Variants in NRG1 observed in about 807,000 individuals in gnomAD.
The protein encoded by NRG1 is neuregulin 1, also known as pro-neuregulin-1, membrane-bound isoform.
Under a neutral mutation model 63.8 loss-of-function variants are expected in NRG1, and 18 were observed. The ratio of observed to expected loss-of-function variants is 0.28; its 90% CI spans 0.19 to 0.42. The LOEUF (loss-of-function observed/expected upper bound fraction) is 0.42. NRG1 is among the 10% of genes least tolerant of loss of function. The pLI is 1.00. For synonymous variants in NRG1, 302 were observed against 301.3 expected, an observed-to-expected ratio of 1.00 and a Z score of -0.02; for missense variants, 762 against 814.7, an observed-to-expected ratio of 0.94 and a Z score of 0.79.
At chr8:31,793,420 A>T (rs1820902799) in intron 1 of NRG1, among the ~76,000 whole-genome samples, 1 of 152,236 alleles carries the variant, frequency 6.6e-6, no homozygotes, top group Non-Finnish European at 1.5e-5. Context: ...TCACTCAGTG[A>T]CTAATTTTCT....
intron 1 of NRG1, among the ~76,000 whole-genome samples, chr8:31,974,991 A>G (rs327380): frequency 0.042 from 6,319 of 152,156 alleles, 404 homozygotes; most frequent in African/African-American, 0.14. Flanking sequence ...CTTTCAGTCT[A>G]TGCTGGGTTT....
chr8:32,441,226 G>A (rs918695318), intron 1 of NRG1: 1 of 152,024 alleles, frequency 6.6e-6, no homozygotes, highest in Non-Finnish European at 1.5e-5. Flanking sequence ...CATGTTTTAG[G>A]TTATGTTTCT....
intron 1 of NRG1, among the ~76,000 whole-genome samples, chr8:31,708,707 A>T (rs1036408790): frequency 1.3e-5 from 2 of 152,008 alleles, no homozygotes; most frequent in Non-Finnish European, 2.9e-5. Flanking sequence ...GGCCTCCCAA[A>T]GTGCTGGGAT....
At chr8:32,226,431 G>T (rs1342777676) in intron 1 of NRG1, among the ~76,000 whole-genome samples, 2 of 151,968 alleles carry the variant, frequency 1.3e-5, no homozygotes, top group Non-Finnish European at 2.9e-5. Context: ...TTCTCAATTT[G>T]TACCTACTTT....
At chr8:31,727,214 A>G (rs1438534125) in intron 1 of NRG1, among the ~76,000 whole-genome samples, 1 of 152,188 alleles carries the variant, frequency 6.6e-6, no homozygotes, top group African/African-American at 2.4e-5. Flanking sequence ...TAATTAAAAC[A>G]TAATTGTCAA....
chr8:31,947,775 C>G (rs1035415357), intron 1 of NRG1, among the ~76,000 whole-genome samples: 2 of 151,774 alleles, frequency 1.3e-5, no homozygotes, highest in African/African-American at 4.8e-5. Context: ...GAAACCCCGT[C>G]TCTAGTAAAA....
intron 1 of NRG1, among the ~76,000 whole-genome samples, chr8:32,130,708 G>C (rs561922265): frequency 8.0e-4 from 122 of 152,030 alleles, no homozygotes; most frequent in Non-Finnish European, 1.5e-3. Flanking sequence ...TATTAACCAA[G>C]GCACTTTTCA....
At chr8:32,104,235 A>G (rs541183680) in intron 1 of NRG1, among the ~76,000 whole-genome samples, 59 of 152,218 alleles carry the variant, frequency 3.9e-4, no homozygotes, top group Non-Finnish European at 7.3e-4. Flanking sequence ...TTAATACTGT[A>G]GGCAATTGTT....
chr8:32,554,628 T>A (rs1834767110), intron 1 of NRG1, among the ~76,000 whole-genome samples: 1 of 152,256 alleles, frequency 6.6e-6, no homozygotes, highest in Admixed American at 6.5e-5. Flanking sequence ...GTTAATTTTT[T>A]AAAATTAGGA....
chr8:31,901,769 G>C (rs1457805529), intron 1 of NRG1, among the ~76,000 whole-genome samples: 1 of 152,164 alleles, frequency 6.6e-6, no homozygotes, highest in Non-Finnish European at 1.5e-5. Flanking sequence ...TATTTTATAT[G>C]ACTCATTGAA....
intron 1 of NRG1, among the ~76,000 whole-genome samples, chr8:31,875,645 G>A (rs1340582729): frequency 1.3e-5 from 2 of 152,136 alleles, no homozygotes; most frequent in African/African-American, 4.8e-5. Context: ...GTCAACTACA[G>A]GAGGAGTTTC....
At chr8:31,692,673 C>T (rs1046686393) in intron 1 of NRG1, among the ~76,000 whole-genome samples, 1 of 152,122 alleles carries the variant, frequency 6.6e-6, no homozygotes, top group African/African-American at 2.4e-5. Context: ...ACAAGTTCTA[C>T]AAATAGGACA....
rs187481131 is a variant in NRG1, at chr8:32,723,431, C to T, written c.503-4518C>T. 7.6e-3 allele frequency among the ~76,000 whole-genome samples: 1,152 copies of T among 152,034 alleles called. 9 individuals carry two copies. Among genetic ancestry groups the T allele is most frequent in the Non-Finnish European group, 0.012 (799 of 67,978 alleles). On this transcript the variant is annotated intron_variant, in intron 5 of 11. Transcript: ENST00000356819. ...GCGTGGTGGCTCACGCCTGTAATCC[C>T]AGCAATTTGGGAGGCTGAGGTGGGT...
At chr8:31,901,937 A>G (rs1031830904) in intron 1 of NRG1, among the ~76,000 whole-genome samples, 17 of 152,220 alleles carry the variant, frequency 1.1e-4, no homozygotes, top group African/African-American at 3.9e-4. Flanking sequence ...TTCCCACTCC[A>G]TGAAACGGAA....
chr8:32,106,615 G>C (rs1317560815), intron 1 of NRG1, among the ~76,000 whole-genome samples: 1 of 152,138 alleles, frequency 6.6e-6, no homozygotes, highest in East Asian at 1.9e-4. Context: ...GAGAGTTGAT[G>C]TTACAGAGAT....
intron 1 of NRG1, among the ~76,000 whole-genome samples, chr8:31,677,340 C>G (rs973260307): frequency 6.6e-6 from 1 of 151,470 alleles, no homozygotes; most frequent in Non-Finnish European, 1.5e-5. Context: ...TTTTATCTAT[C>G]TATGTCTATC....
chr8:31,760,196 G>A (rs1817386000), intron 1 of NRG1, among the ~76,000 whole-genome samples: 1 of 152,120 alleles, frequency 6.6e-6, no homozygotes, highest in Admixed American at 6.5e-5. Flanking sequence ...TAAGGTTTAA[G>A]TCTTTAATCC....
chr8:32,566,188 C>T (rs1837410405), intron 1 of NRG1, among the ~76,000 whole-genome samples: 1 of 152,002 alleles, frequency 6.6e-6, no homozygotes, highest in South Asian at 2.1e-4. Context: ...GAAACCCCAT[C>T]TCTACTAAAA....
intron 1 of NRG1, among the ~76,000 whole-genome samples, chr8:32,472,048 T>C (rs1823915266): frequency 6.6e-6 from 1 of 152,198 alleles, no homozygotes; most frequent in African/African-American, 2.4e-5. Flanking sequence ...GCCCAGCCAA[T>C]ATCTCATCAG....
Sources: allele counts gnomAD v4.1 joint callset (sites outside exome capture counted in the v4.1 genomes callset), GRCh38; gene constraint gnomAD v4.1.1; transcripts MANE v1.5; gene names NCBI Gene and HGNC (gene_info 2026-07-23, HGNC 2026-07-21).